Variants in RBL2 observed in about 807,000 individuals in gnomAD.
RBL2 encodes retinoblastoma-like protein 2.
In RBL2, 56 loss-of-function variants were observed where a neutral mutation model predicts 126.0. The ratio of observed to expected loss-of-function variants is 0.44; its 90% CI spans 0.36 to 0.56. RBL2 has a LOEUF of 0.56. Among genes scored for constraint, RBL2 ranks in the 20% least tolerant of loss-of-function variants. The probability of loss-of-function intolerance (pLI) is 0.00; values close to 1 mark genes in which losing one functional copy is unlikely to be tolerated. For synonymous variants in RBL2, 454 were observed against 478.5 expected, an observed-to-expected ratio of 0.95 and a Z score of 0.67; for missense variants, 1,229 against 1,398.2, an observed-to-expected ratio of 0.88 and a Z score of 1.93.
intron 1 of RBL2, chr16:53,435,839 T>A: frequency 9.1e-7 from 1 of 1,103,152 alleles, no homozygotes; most frequent in Non-Finnish European, 1.2e-6. Context: ...ATTCAATTAC[T>A]AGTTCCCTCT....
intron 4 of RBL2, among the ~76,000 whole-genome samples, chr16:53,447,988 G>A (rs1052611842): frequency 2.6e-5 from 4 of 152,074 alleles, no homozygotes; most frequent in African/African-American, 9.7e-5. Flanking sequence ...AAAGTAGATA[G>A]GAAAGTGCAG....
intron 2 of RBL2, 52 bp downstream of exon 2, chr16:53,439,198 A>G: frequency 7.1e-7 from 1 of 1,414,642 alleles, no homozygotes; most frequent in Non-Finnish European, 9.4e-7. Context: ...AAGCTCATAA[A>G]TCATAGTGAT....
chr16:53,436,224 T>C (rs950338513), intron 1 of RBL2, among the ~76,000 whole-genome samples: 3 of 152,090 alleles, frequency 2.0e-5, no homozygotes, highest in Non-Finnish European at 2.9e-5. Flanking sequence ...CAAGCTCTTA[T>C]TTTACCCTCA....
chr16:53,463,454 C>T (rs958095370), intron 11 of RBL2, among the ~76,000 whole-genome samples: 7 of 151,358 alleles, frequency 4.6e-5, no homozygotes, highest in African/African-American at 1.7e-4. Context: ...GTTGCCTGGG[C>T]TGGTCTCAAA....
chr16:53,447,298 A>ATAT (rs1401642822), intron 4 of RBL2, among the ~76,000 whole-genome samples, 192 bp downstream of exon 4: 2 of 137,374 alleles, frequency 1.5e-5, no homozygotes, highest in Non-Finnish European at 3.2e-5. Context: ...CAATATCCAA[A>ATAT]TCTTCTCTTA....
At chr16:53,479,654 G>T (rs1598127763) in intron 18 of RBL2, 1 of 479,178 alleles carries the variant, frequency 2.1e-6, no homozygotes, top group East Asian at 3.6e-5. Context: ...TTATGGTTGG[G>T]TGCTGTCACT....
intron 2 of RBL2, among the ~76,000 whole-genome samples, chr16:53,440,962 T>C (rs1598087210): frequency 1.5e-5 from 2 of 135,902 alleles, no homozygotes; most frequent in East Asian, 2.0e-4. Flanking sequence ...TCTTTTTTTT[T>C]TTTTTTTTTT....
chr16:53,437,116 T>G (rs1031379872), intron 1 of RBL2, among the ~76,000 whole-genome samples: 1 of 152,074 alleles, frequency 6.6e-6, no homozygotes, highest in Non-Finnish European at 1.5e-5. Context: ...AATAGAACAT[T>G]ATAGATTATC....
chr16:53,436,365 T>G (rs2057958841), intron 1 of RBL2, among the ~76,000 whole-genome samples: 1 of 152,224 alleles, frequency 6.6e-6, no homozygotes, highest in Non-Finnish European at 1.5e-5. Flanking sequence ...GTTAGTAAAT[T>G]ATTTTTGAAA....
intron 4 of RBL2, 52 bp downstream of exon 4, chr16:53,447,158 A>G (rs2058070335): frequency 9.5e-7 from 1 of 1,054,948 alleles, no homozygotes; most frequent in Non-Finnish European, 1.4e-6. Context: ...TTACATTTTC[A>G]GGTATTAATT....
At chr16:53,462,750 C>G (rs1598109520) in intron 11 of RBL2, 95 bp downstream of exon 11, 1 of 739,556 alleles carries the variant, frequency 1.4e-6, no homozygotes. Context: ...TATATATAGT[C>G]TCCTTTCATA....
chr16:53,459,622 G>A lies in RBL2; in HGVS notation c.1346+5G>A. On this transcript the variant is annotated splice_donor_5th_base_variant and intron_variant, in intron 9 of 21. Transcript: ENST00000262133. ...GAAACTGGAACAGATTCTCAGGTTA[G>A]TTTGAGCCCTGTCTGCTTTCTAAGA... The A allele has an allele frequency of 6.5e-7, 1 of 1,532,172 alleles. No homozygotes were observed. Among genetic ancestry groups the A allele is most frequent in the Non-Finnish European group, 8.8e-7 (1 of 1,141,974 alleles). The allele number at this position is 1,532,172 out of a possible 1,614,324, so 94.9% of individuals were successfully genotyped here.
At chr16:53,486,125 GAAAAAAA>G (rs59433365) in intron 21 of RBL2, among the ~76,000 whole-genome samples, 1 of 92,192 alleles carries the variant, frequency 1.1e-5, no homozygotes, top group South Asian at 3.9e-4. Flanking sequence ...CCTTGTCTCT[GAAAAAAA>G]AAAAAAAAAA....
rs1208670978 is a variant in RBL2 at position 53,453,757 on chromosome 16, T to G, written c.980T>G (p.Phe327Cys). 6.2e-7 allele frequency: 1 copy of G among 1,607,346 alleles called. No homozygotes were observed. The highest frequency in any genetic ancestry group is 1.1e-5 in the South Asian group (1 of 89,924). ...ACTGGGTTTCTAGAACCTGGGAACT[T>G]TGGAGAGAGTTTGTGAGTACTTCTG... ...NLTGFLEPGNFGESFKAINKA... is the reference protein window; with the variant it reads ...NLTGFLEPGNCGESFKAINKA... The change falls in exon 7 of 22, where the codon TTT becomes TGT. Residue 327 changes from phenylalanine to cysteine, a missense_variant. Physicochemically the swap from Phe to Cys is radical, Grantham distance 205. Transcript: ENST00000262133.
At chr16:53,435,010 G>A (rs1296071108) in intron 1 of RBL2, among the ~76,000 whole-genome samples, 1 of 152,190 alleles carries the variant, frequency 6.6e-6, no homozygotes, top group Non-Finnish European at 1.5e-5. Flanking sequence ...AATGGGGAAC[G>A]CGTCTTGCCC....
At chr16:53,485,969 C>T (rs1369940419) in intron 21 of RBL2, among the ~76,000 whole-genome samples, 1 of 151,860 alleles carries the variant, frequency 6.6e-6, no homozygotes, top group African/African-American at 2.4e-5. Context: ...TACTAGTATA[C>T]ATTAAAAGTA....
At chr16:53,470,993 T>C in intron 17 of RBL2, 71 bp downstream of exon 17, 1 of 1,443,412 alleles carries the variant, frequency 6.9e-7, no homozygotes. Flanking sequence ...AACCACTGTC[T>C]TGAGATACAG....
Position 53,465,480 on chromosome 16 carries a change from G to A in RBL2, c.1741G>A (p.Glu581Lys), listed in dbSNP as rs1306990524. The change falls in exon 13 of 22, where the codon GAG (glutamate) becomes AAG (lysine). Residue 581 changes from glutamate (E) to lysine (K), a missense_variant. By Grantham distance (56) the Glu-to-Lys change is moderately conservative. Around this residue, in one of 2 missense-constraint regions of RBL2, gnomAD observed 1,070 missense variants for 1,274.3 expected, o/e 0.84. Coordinates refer to ENST00000262133, the MANE Select transcript of RBL2 (RefSeq NM_005611.4). ...TAGAGCAGAAGATGGCCTTTGTAGA[G>A]AGGTGGTAAAACACCTTAATCAGAT... ...FIRAEDGLCR[E>K]VVKHLNQIEE... is the part of the protein sequence containing the mutation. 1.9e-6 allele frequency: 3 copies of A among 1,584,330 alleles called. No individual in the cohort carries two copies. The highest frequency in any genetic ancestry group is 1.7e-4 in the Middle Eastern group (1 of 5,942).
chr16:53,480,827 T>G (rs1391057912), intron 20 of RBL2, 58 bp downstream of exon 20: 2 of 1,511,802 alleles, frequency 1.3e-6, no homozygotes, highest in Non-Finnish European at 1.8e-6. Context: ...GAGGAATCAT[T>G]TATGATTTAT....
Sources: gnomAD v4.1 joint callset for allele counts (sites outside exome capture counted in the v4.1 genomes callset) on GRCh38, gnomAD v4.1.1 for gene constraint, gnomAD v4.1.1 regional missense constraint, MANE v1.5 for transcripts, NCBI Gene and HGNC (gene_info 2026-07-23, HGNC 2026-07-21) for gene names.